XRCC4: variants seen among roughly 807,000 people sequenced by gnomAD.
XRCC4 encodes the protein DNA repair protein XRCC4.
A neutral mutation model predicts 39.1 loss-of-function variants in XRCC4; 28 were observed. That is an observed-to-expected ratio of 0.72 (90% CI 0.53 to 0.98). XRCC4 has a LOEUF of 0.98. Ranked by LOEUF, XRCC4 falls within the 50% of genes least tolerant of loss-of-function variation. The pLI, the probability that XRCC4 is intolerant of heterozygous loss-of-function variation, is 0.00. For missense variants in XRCC4, 350 were observed against 376.4 expected (o/e 0.93, Z 0.58); for synonymous variants, 123 against 126.4 (o/e 0.97, Z 0.18).
At chr5:83,209,227 T>C (rs777881726) in intron 6 of XRCC4, among the ~76,000 whole-genome samples, 1 of 152,008 alleles carries the variant, frequency 6.6e-6, no homozygotes, top group Non-Finnish European at 1.5e-5. Context: ...TGTCCCTATC[T>C]AAGGAGAAAC....
chr5:83,359,129 T>C, the XRCC4 span, among the ~76,000 whole-genome samples: 1 of 152,150 alleles, frequency 6.6e-6, no homozygotes, highest in Admixed American at 6.6e-5. Context: ...CACCAGGTCT[T>C]GCAAATGACC....
At chr5:83,320,422 C>A (rs956809249) in intron 7 of XRCC4, among the ~76,000 whole-genome samples, 6 of 149,006 alleles carry the variant, frequency 4.0e-5, no homozygotes, top group African/African-American at 7.4e-5. Context: ...CCACTCCTGG[C>A]GAAGATTCTA....
chr5:83,108,459 G>C (rs1303499683), intron 2 of XRCC4, among the ~76,000 whole-genome samples: 1 of 151,632 alleles, frequency 6.6e-6, no homozygotes, highest in Non-Finnish European at 1.5e-5. Context: ...GTATTTATTA[G>C]GAGAGGAAAA....
At chr5:83,189,956 T>A (rs761648767) in intron 3 of XRCC4, among the ~76,000 whole-genome samples, 1 of 151,928 alleles carries the variant, frequency 6.6e-6, no homozygotes, top group African/African-American at 2.4e-5. Flanking sequence ...CCCAGCTACG[T>A]GGGATGCTGA....
At chr5:83,151,326 T>G (rs982343863) in intron 3 of XRCC4, among the ~76,000 whole-genome samples, 9 of 151,934 alleles carry the variant, frequency 5.9e-5, no homozygotes, top group African/African-American at 2.2e-4. Context: ...CCAGAATGAG[T>G]TTTATTAGGC....
chr5:83,203,700 CAA>C lies in XRCC4; in HGVS notation c.632_633del (p.Gln211ArgfsTer9). On this transcript the variant is annotated frameshift_variant, in exon 5 of 8. Transcript: ENST00000396027. LOFTEE classifies it high-confidence loss of function. ...TCAAGAACGAGAAAAGGACATCAAA[CAA>C]GAAGGGTATTTTCGCTATCTTGTTT... is the stretch of plus-strand genomic sequence containing the variant. The part of the protein sequence containing the change: ...AAQEREKDIK[Q>X]EGETAICSEM... The C allele has an allele frequency of 6.2e-7, 1 of 1,607,324 alleles. No individual in the cohort carries two copies. The highest frequency in any genetic ancestry group is 8.5e-7 in the Non-Finnish European group (1 of 1,177,562).
At chr5:83,092,815 C>T (rs1053925798) in intron 1 of XRCC4, among the ~76,000 whole-genome samples, 2 of 151,722 alleles carry the variant, frequency 1.3e-5, no homozygotes, top group African/African-American at 4.8e-5. Context: ...CAAGACATAC[C>T]ACACAGGAAA....
intron 7 of XRCC4, among the ~76,000 whole-genome samples, chr5:83,297,473 T>C (rs1275311661): frequency 6.6e-6 from 1 of 151,976 alleles, no homozygotes. Flanking sequence ...ACGCAATGCT[T>C]AGGAACATTT....
intron 3 of XRCC4, among the ~76,000 whole-genome samples, chr5:83,172,855 C>T (rs1366907859): frequency 6.6e-6 from 1 of 152,224 alleles, no homozygotes; most frequent in African/African-American, 2.4e-5. Context: ...CAAGTTCTTT[C>T]TGTGATCCTG....
chr5:83,111,280 A>T (rs963679806), intron 3 of XRCC4, 77 bp downstream of exon 3: 2 of 1,205,160 alleles, frequency 1.7e-6, no homozygotes, highest in Non-Finnish European at 2.2e-6. Flanking sequence ...AATTTAAGTG[A>T]CTACTATATT....
rs1754628164 is a variant in XRCC4 at position 83,283,609 on chromosome 5, T to A, written c.893+24932T>A. Among the ~76,000 whole-genome samples the A allele has an allele frequency of 2.0e-5, 3 of 152,214 alleles. No individual in the cohort carries two copies. The South Asian group carries it at 6.2e-4, about 31-fold the overall frequency. Reference sequence around the variant, plus strand: ...CTTTATTCCACTAATTCATTAAATGTGCATGTTTAGTCAAATTTATAATTT... The same window carrying A: ...CTTTATTCCACTAATTCATTAAATGAGCATGTTTAGTCAAATTTATAATTT... On this transcript the variant is annotated intron_variant, in intron 7 of 7. Transcript: ENST00000396027.
intron 7 of XRCC4, among the ~76,000 whole-genome samples, chr5:83,309,258 CT>C (rs1404019753): frequency 1.2e-4 from 10 of 80,718 alleles, no homozygotes; most frequent in Admixed American, 8.1e-4. Flanking sequence ...CAGAGCGAGA[CT>C]CCGTCTCAAA....
intron 3 of XRCC4, among the ~76,000 whole-genome samples, chr5:83,128,308 C>G (rs1020053982): frequency 6.6e-6 from 1 of 152,064 alleles, no homozygotes; most frequent in African/African-American, 2.4e-5. Context: ...TGAACTCATC[C>G]TTTTTAATGG....
intron 3 of XRCC4, among the ~76,000 whole-genome samples, chr5:83,113,884 C>G (rs138006852): frequency 7.9e-5 from 12 of 152,172 alleles, no homozygotes; most frequent in Admixed American, 2.6e-4. Context: ...CCTCAGCCCC[C>G]CAAAGTGCTG....
At chr5:83,199,535 C>T (rs192507647) in intron 4 of XRCC4, among the ~76,000 whole-genome samples, 1 of 152,176 alleles carries the variant, frequency 6.6e-6, no homozygotes, top group Non-Finnish European at 1.5e-5. Flanking sequence ...TTAAGGATTA[C>T]TGCACTGTGT....
chr5:83,302,157 G>C (rs1191438918), intron 7 of XRCC4, among the ~76,000 whole-genome samples: 1 of 152,070 alleles, frequency 6.6e-6, no homozygotes, highest in Non-Finnish European at 1.5e-5. Flanking sequence ...CGTGCGGGTG[G>C]GATCCGCTGA....
At chr5:83,320,389 A>T (rs1448462201) in intron 7 of XRCC4, among the ~76,000 whole-genome samples, 1 of 150,208 alleles carries the variant, frequency 6.7e-6, no homozygotes, top group Non-Finnish European at 1.5e-5. Flanking sequence ...TAATAAAAAA[A>T]TAAAAAAAAA....
chr5:83,359,296 G>A, the XRCC4 span, among the ~76,000 whole-genome samples: 1 of 152,110 alleles, frequency 6.6e-6, no homozygotes, highest in Admixed American at 6.6e-5. Context: ...GTAGCGTACA[G>A]AAGAGCCCAA....
intron 3 of XRCC4, among the ~76,000 whole-genome samples, chr5:83,158,696 T>G (rs911461204): frequency 6.6e-6 from 1 of 152,090 alleles, no homozygotes. Context: ...ACTAAAGAAT[T>G]GCAAACAATT....
Sources: allele counts gnomAD v4.1 joint callset (sites outside exome capture counted in the v4.1 genomes callset), GRCh38; gene constraint gnomAD v4.1.1; transcripts MANE v1.5; gene names NCBI Gene and HGNC (gene_info 2026-07-23, HGNC 2026-07-21).